Variants in NDUFS2 observed in about 807,000 individuals in gnomAD.
NDUFS2 encodes the protein NADH:ubiquinone oxidoreductase core subunit S2, also known as NADH dehydrogenase [ubiquinone] iron-sulfur protein 2, mitochondrial.
Under a neutral mutation model 69.6 loss-of-function variants are expected in NDUFS2, and 38 were observed. That is an observed-to-expected ratio of 0.55 (90% confidence interval 0.42 to 0.72). The LOEUF (loss-of-function observed/expected upper bound fraction) is 0.72. Among genes scored for constraint, NDUFS2 ranks in the 30% least tolerant of loss-of-function variants. The pLI, the probability that NDUFS2 is intolerant of heterozygous loss-of-function variation, is 0.00. For missense variants in NDUFS2, 468 were observed against 595.0 expected, an observed-to-expected ratio of 0.79 and a Z score of 2.22; for synonymous variants, 194 against 211.2, an observed-to-expected ratio of 0.92 and a Z score of 0.70.
chr1:161,210,428 G>A (rs573059530), intron 8 of NDUFS2, 39 bp downstream of exon 8: 1 of 1,601,116 alleles, frequency 6.2e-7, no homozygotes, highest in African/African-American at 1.3e-5. Context: ...GAGTGGGGGT[G>A]GGAGTGGGGG....
At chr1:161,212,789 C>T (rs1665842741) in intron 10 of NDUFS2, 1 of 342,012 alleles carries the variant, frequency 2.9e-6, no homozygotes, top group African/African-American at 2.1e-5. Context: ...GAACTCCTGA[C>T]CTCAGGTGAT....
At position 161,214,172 on chromosome 1, in the gene NDUFS2, A is replaced by G. The variant is rs149953813; in HGVS notation, c.1371A>G (p.Val457=). 610 of 1,613,682 alleles carry G rather than the reference A, an allele frequency of 3.8e-4. 1 individual carries two copies. Among genetic ancestry groups the G allele is most frequent in the East Asian group, 2.6e-3 (116 of 44,864 alleles). Residue 457 remains valine (V), a synonymous_variant, in exon 14 of 14, where the codon GTA becomes GTG. Coordinates refer to ENST00000676972, the MANE Select transcript of NDUFS2 (RefSeq NM_001377299.1). ...VVAIIGTQDI[V]FGEVDR ...CTCACCTAGGTACCCAAGATATTGT[A>G]TTTGGAGAAGTAGATCGGTGAGCAG...
intron 2 of NDUFS2, among the ~76,000 whole-genome samples, chr1:161,204,724 T>C (rs756611375): frequency 6.6e-6 from 1 of 152,178 alleles, no homozygotes; most frequent in African/African-American, 2.4e-5. Flanking sequence ...AACAGCTCTA[T>C]GAGAGTATTA....
intron 1 of NDUFS2, 122 bp from the exon 2 acceptor site, chr1:161,203,315 C>A: frequency 1.2e-6 from 1 of 853,476 alleles, no homozygotes; most frequent in South Asian, 1.4e-5. Context: ...TCAAAAAAAA[C>A]AAAAAACAAA....
chr1:161,202,398 A>G lies in NDUFS2; in HGVS notation c.13A>G (p.Arg5Gly). ...CAGCCGGAGTAAGATGGCGGCGCTGAGGGCTTTGTGCGGCTTCCGGGGCGT... is the reference window on the plus strand; with the variant it reads ...CAGCCGGAGTAAGATGGCGGCGCTGGGGGCTTTGTGCGGCTTCCGGGGCGT... The part of the protein sequence containing the change: MAAL[R>G]ALCGFRGVAA... The change falls in exon 1 of 14, where the codon AGG (arginine) becomes GGG (glycine). Residue 5 changes from arginine (R) to glycine (G), a missense_variant. Coordinates refer to ENST00000676972, the MANE Select transcript of NDUFS2 (RefSeq NM_001377299.1). 1 of 1,612,284 alleles carries G rather than the reference A, an allele frequency of 6.2e-7. No individual in the cohort carries two copies. Among genetic ancestry groups the G allele is most frequent in the South Asian group, 1.1e-5 (1 of 90,504 alleles).
rs1665725889 is a variant in NDUFS2 at position 161,210,716 on chromosome 1, G to A, written c.986+6G>A. 6.2e-7 allele frequency: 1 copy of A among 1,613,830 alleles called. No individual in the cohort carries two copies. The highest frequency in any genetic ancestry group is 8.5e-7 in the Non-Finnish European group (1 of 1,179,948). ...CGAGGGGACTGCTATGATAGGTAAG[G>A]CCCCAATCCTTTCTTGGCTGATATT... On this transcript the variant is annotated splice_donor_region_variant and intron_variant, in intron 9 of 13. Coordinates refer to ENST00000676972, the MANE Select transcript of NDUFS2 (RefSeq NM_001377299.1).
rs1488110000 is a variant in NDUFS2 at position 161,202,420 on chromosome 1, G to A, written c.35G>A (p.Gly12Asp). Reference protein sequence around the residue: ...AALRALCGFRGVAAQVLRPGA... With the variant: ...AALRALCGFRDVAAQVLRPGA... ...CTGAGGGCTTTGTGCGGCTTCCGGGGCGTCGCGGCCCAGGTGCTGCGGCCT... is the reference window on the plus strand; with the variant it reads ...CTGAGGGCTTTGTGCGGCTTCCGGGACGTCGCGGCCCAGGTGCTGCGGCCT... The change falls in exon 1 of 14, where the codon GGC becomes GAC. Residue 12 changes from glycine to aspartate, a missense_variant. Gly to Asp is a moderately conservative substitution (Grantham distance 94). Coordinates refer to ENST00000676972, the MANE Select transcript of NDUFS2 (RefSeq NM_001377299.1). 1 of 1,612,982 alleles carries A rather than the reference G, an allele frequency of 6.2e-7. No individual in the cohort carries two copies. The highest frequency in any genetic ancestry group is 2.2e-5 in the East Asian group (1 of 44,866).
chr1:161,214,139 T>C lies in NDUFS2; in HGVS notation c.1355-17T>C, dbSNP rs1198247287. 3 of 1,613,928 alleles carry C rather than the reference T, an allele frequency of 1.9e-6. No homozygotes were observed. Among genetic ancestry groups the C allele is most frequent in the African/African-American group, 2.7e-5 (2 of 74,890 alleles). On this transcript the variant is annotated splice_polypyrimidine_tract_variant and intron_variant, in intron 13 of 13. Coordinates refer to ENST00000676972, the MANE Select transcript of NDUFS2 (RefSeq NM_001377299.1). ...AAGATAAGTAACATCACTTTTTTCCTCCATCCTCTCACCTAGGTACCCAAG... is the reference window on the plus strand; with the variant it reads ...AAGATAAGTAACATCACTTTTTTCCCCCATCCTCTCACCTAGGTACCCAAG...
intron 2 of NDUFS2, 131 bp from the exon 3 acceptor site, chr1:161,206,276 G>A: frequency 1.1e-6 from 1 of 933,446 alleles, no homozygotes; most frequent in South Asian, 1.4e-5. Context: ...TGGTTATAGT[G>A]GAGATTAGGA....
At position 161,212,385 on chromosome 1, in the gene NDUFS2, C is replaced by CTCTGTG; in HGVS notation, c.1022_1023insCTGTGT (p.Leu341_Arg342insCysVal). On this transcript the variant is annotated inframe_insertion, in exon 10 of 14. Coordinates refer to ENST00000676972, the MANE Select transcript of NDUFS2 (RefSeq NM_001377299.1). Reference sequence around the variant, plus strand: ...CCGGGTGGAGGAGATGCGCCAGTCCCTGAGAATTATCGCACAGTGTCTAAA... The same window carrying CTCTGTG: ...CCGGGTGGAGGAGATGCGCCAGTCCCTCTGTGTGAGAATTATCGCACAGTGTCTAAA... 6.2e-7 allele frequency: 1 copy of CTCTGTG among 1,613,742 alleles called. No individual in the cohort carries two copies. Among genetic ancestry groups the CTCTGTG allele is most frequent in the Non-Finnish European group, 8.5e-7 (1 of 1,179,816 alleles).
intron 9 of NDUFS2, 83 bp downstream of exon 9, chr1:161,210,793 C>T: frequency 3.1e-6 from 5 of 1,598,896 alleles, no homozygotes; most frequent in African/African-American, 1.3e-5. Context: ...CTTCTTTACC[C>T]TACTTCTCAG....
chr1:161,204,300 C>T (rs1665337717), intron 2 of NDUFS2, among the ~76,000 whole-genome samples: 1 of 152,162 alleles, frequency 6.6e-6, no homozygotes, highest in African/African-American at 2.4e-5. Flanking sequence ...TCTCCTAATC[C>T]CTCAGGATTG....
intron 6 of NDUFS2, 87 bp downstream of exon 6, chr1:161,210,018 T>C (rs1665686799): frequency 1.3e-6 from 2 of 1,595,010 alleles, no homozygotes; most frequent in East Asian, 4.5e-5. Context: ...TGATGGAAAC[T>C]CCAAACCTGT....
chr1:161,214,130 CTT>C (rs1467345143), intron 13 of NDUFS2, 24 bp from the exon 14 acceptor site: 1 of 1,613,976 alleles, frequency 6.2e-7, no homozygotes, highest in Non-Finnish European at 8.5e-7. Flanking sequence ...AGTAACATCA[CTT>C]TTTTCCTCCA....
rs1044700801 is a variant in NDUFS2, at chr1:161,206,505, T to G, written c.301T>G (p.Leu101Val). The G allele has an allele frequency of 8.7e-6, 14 of 1,614,054 alleles. No individual in the cohort carries two copies. In the Middle Eastern group the frequency reaches 8.2e-4, roughly 95 times the overall value. ...AHGVLRLVME[L>V]SGEMVRKCDP... is the part of the protein sequence containing the mutation. ...TGGTGTCCTGCGACTAGTGATGGAA[T>G]TGAGTGGGGAGATGGTGCGGAAGTG... The change falls in exon 3 of 14, where the codon TTG (leucine) becomes GTG (valine). Residue 101 changes from leucine to valine, a missense_variant. By Grantham distance (32) the Leu-to-Val change is conservative. This residue lies in a region of NDUFS2 where 339 missense variants were observed against 433.8 expected (regional missense o/e 0.78). Transcript: ENST00000676972.
chr1:161,202,322 G>C (rs778920984), upstream of NDUFS2: 6 of 1,523,122 alleles, frequency 3.9e-6, no homozygotes, highest in Non-Finnish European at 5.4e-6. Context: ...GAGAAGCCAA[G>C]AAGGAGGCGC....
In NDUFS2 at chr1:161,202,367, A is replaced by T. The variant is rs143822837; in HGVS notation, c.-19A>T. On this transcript the variant is annotated 5_prime_UTR_variant, in exon 1 of 14. Transcript: ENST00000676972. Reference sequence around the variant, plus strand: ...ACTTCCGCCCGGTTCTCCTTCCCGCAGTCTGCAGCCGGAGTAAGATGGCGG... The same window carrying T: ...ACTTCCGCCCGGTTCTCCTTCCCGCTGTCTGCAGCCGGAGTAAGATGGCGG... The T allele has an allele frequency of 2.9e-5, 46 of 1,605,598 alleles. No homozygotes were observed. The highest frequency in any genetic ancestry group is 3.8e-5 in the Non-Finnish European group (45 of 1,176,490).
chr1:161,214,010 C>CAT, intron 13 of NDUFS2, 89 bp downstream of exon 13: 1 of 1,613,614 alleles, frequency 6.2e-7, no homozygotes, highest in Non-Finnish European at 8.5e-7. Context: ...TCCTGTTCAC[C>CAT]ATAGGCCATG....
At position 161,212,345 on chromosome 1, in the gene NDUFS2, C is replaced by T; in HGVS notation, c.987-6C>T. 1 of 1,613,314 alleles carries T rather than the reference C, an allele frequency of 6.2e-7. No homozygotes were observed. Among genetic ancestry groups the T allele is most frequent in the Non-Finnish European group, 8.5e-7 (1 of 1,179,520 alleles). Reference sequence around the variant, plus strand: ...TTCTTCTCTTGCTCTGTCTCATCTTCTTGAGGTACCTGTGCCGGGTGGAGG... The same window carrying T: ...TTCTTCTCTTGCTCTGTCTCATCTTTTTGAGGTACCTGTGCCGGGTGGAGG... On this transcript the variant is annotated splice_polypyrimidine_tract_variant and splice_region_variant and intron_variant, in intron 9 of 13. Transcript: ENST00000676972.
Sources: allele counts gnomAD v4.1 joint callset (sites outside exome capture counted in the v4.1 genomes callset), GRCh38; gene constraint gnomAD v4.1.1; regional missense constraint gnomAD v4.1.1; transcripts MANE v1.5; gene names NCBI Gene and HGNC (gene_info 2026-07-23, HGNC 2026-07-21).